Variants in DSC3 observed in about 807,000 individuals in gnomAD.
The protein encoded by DSC3 is desmocollin-3.
DSC3 carries 97 observed loss-of-function variants against 89.5 expected under a neutral mutation model. The observed-to-expected ratio is 1.08, with a 90% CI of 0.92 to 1.28. DSC3 has a LOEUF of 1.28. Ranked by LOEUF, DSC3 falls within the 50% of genes most tolerant of loss-of-function variation. The pLI, the probability that DSC3 is intolerant of heterozygous loss-of-function variation, is 0.00. For synonymous variants in DSC3, 436 were observed against 384.1 expected (o/e 1.14, Z -1.58); for missense variants, 1,199 against 1,085.3 (o/e 1.10, Z -1.47).
intron 1 of DSC3, among the ~76,000 whole-genome samples, chr18:31,038,912 T>C (rs1390890503): frequency 6.6e-6 from 1 of 152,118 alleles, no homozygotes; most frequent in Non-Finnish European, 1.5e-5. Context: ...TAATATTCAA[T>C]AGACTTCAGT....
intron 9 of DSC3, 118 bp downstream of exon 9, chr18:31,017,953 A>C (rs1230657110): frequency 1.2e-6 from 1 of 818,016 alleles, no homozygotes; most frequent in Non-Finnish European, 1.9e-6. Flanking sequence ...TGGTTTAAAT[A>C]GATTTTAAAT....
chr18:31,013,800 G>A (rs1432465613), intron 9 of DSC3, among the ~76,000 whole-genome samples: 2 of 152,060 alleles, frequency 1.3e-5, no homozygotes, highest in Admixed American at 1.3e-4. Flanking sequence ...TGATGAGCAT[G>A]TCAACATGCA....
intron 15 of DSC3, among the ~76,000 whole-genome samples, chr18:30,994,873 CTTA>C (rs1225953643): frequency 6.6e-6 from 1 of 152,278 alleles, no homozygotes; most frequent in African/African-American, 2.4e-5. Flanking sequence ...GCATAATACA[CTTA>C]TTATGCCCAG....
At chr18:31,003,717 T>C (rs961834699) in intron 13 of DSC3, among the ~76,000 whole-genome samples, 1 of 152,142 alleles carries the variant, frequency 6.6e-6, no homozygotes, top group Non-Finnish European at 1.5e-5. Flanking sequence ...ATTGGCAAGA[T>C]ATACCCAAGA....
intron 9 of DSC3, among the ~76,000 whole-genome samples, chr18:31,016,628 A>G (rs1371244776): frequency 6.6e-6 from 1 of 152,148 alleles, no homozygotes; most frequent in African/African-American, 2.4e-5. Context: ...TTGGCTCTTC[A>G]GATTCAGGGT....
intron 4 of DSC3, among the ~76,000 whole-genome samples, chr18:31,026,669 A>G (rs1179908708): frequency 6.6e-6 from 1 of 152,140 alleles, no homozygotes; most frequent in Non-Finnish European, 1.5e-5. Flanking sequence ...CAAGGACACT[A>G]TGTCAGAGGG....
intron 9 of DSC3, among the ~76,000 whole-genome samples, chr18:31,010,204 A>G (rs1313590): frequency 0.4 from 60,685 of 152,082 alleles, 13,010 homozygotes; most frequent in East Asian, 0.74. Context: ...TCTACAAAAC[A>G]TATGTAAAAC....
At chr18:31,016,223 C>A (rs1985232011) in intron 9 of DSC3, among the ~76,000 whole-genome samples, 1 of 152,168 alleles carries the variant, frequency 6.6e-6, no homozygotes. Flanking sequence ...CAGCAATCCA[C>A]AATTGCTACT....
intron 1 of DSC3, among the ~76,000 whole-genome samples, chr18:31,038,387 T>G (rs1442710349): frequency 6.6e-6 from 1 of 152,178 alleles, no homozygotes. Context: ...TGGTTACAGG[T>G]CTATTTAGAT....
chr18:31,029,717 C>T, intron 3 of DSC3, 89 bp from the exon 4 acceptor site: 1 of 1,547,764 alleles, frequency 6.5e-7, no homozygotes, highest in Non-Finnish European at 8.9e-7. Flanking sequence ...AAACCTAATC[C>T]TTCTTTGGAG....
intron 9 of DSC3, among the ~76,000 whole-genome samples, chr18:31,009,048 C>A (rs78340740): frequency 0.03 from 4,559 of 152,030 alleles, 240 homozygotes; most frequent in African/African-American, 0.1. Context: ...ATTTTATTTT[C>A]TTTTATTTTA....
intron 1 of DSC3, 142 bp downstream of exon 1, chr18:31,042,450 T>G (rs72922475): frequency 1.2e-6 from 1 of 839,076 alleles, no homozygotes; most frequent in Admixed American, 2.1e-5. Context: ...AGGCCCGAAC[T>G]TGGGGCTGCT....
chr18:31,011,103 C>T (rs73952550), intron 9 of DSC3, among the ~76,000 whole-genome samples: 6 of 152,148 alleles, frequency 3.9e-5, no homozygotes, highest in African/African-American at 7.2e-5. Context: ...TGCTTGACAG[C>T]GTATAGTTAG....
intron 1 of DSC3, among the ~76,000 whole-genome samples, chr18:31,039,574 A>G (rs1986070702): frequency 6.6e-6 from 1 of 152,168 alleles, no homozygotes; most frequent in African/African-American, 2.4e-5. Flanking sequence ...ACTGCTCTAC[A>G]TTCTCAGTAC....
intron 15 of DSC3, among the ~76,000 whole-genome samples, chr18:30,995,168 T>C (rs1422269374): frequency 6.6e-6 from 1 of 152,152 alleles, no homozygotes; most frequent in Non-Finnish European, 1.5e-5. Flanking sequence ...TCTCCTCCCT[T>C]TCCTCACCTG....
chr18:31,001,807 T>G, intron 13 of DSC3, 68 bp from the exon 14 acceptor site: 1 of 1,286,158 alleles, frequency 7.8e-7, no homozygotes, highest in Non-Finnish European at 1.1e-6. Context: ...CATCATTTAT[T>G]TCTTACGACC....
intron 9 of DSC3, among the ~76,000 whole-genome samples, chr18:31,012,859 A>G (rs1344191459): frequency 1.3e-5 from 2 of 152,200 alleles, no homozygotes; most frequent in Non-Finnish European, 2.9e-5. Context: ...AACAGCTGAA[A>G]AAAATGAAAT....
rs1171785077 is a variant in DSC3, at chr18:31,008,360, A to G, written c.1429T>C (p.Tyr477His). ...GCTAAGTTTTCTTTAATCCGCACAT[A>G]TTGGGCTGCAGGAGTGCATTCAGGC... ...EGPECTPAAQYVRIKENLAVG... is the reference protein window; with the variant it reads ...EGPECTPAAQHVRIKENLAVG... Residue 477 changes from tyrosine to histidine, a missense_variant, in exon 10 of 16, where the codon TAT (tyrosine) becomes CAT (histidine). Transcript: ENST00000360428. 3 of 1,614,072 alleles carry G rather than the reference A, an allele frequency of 1.9e-6. No homozygotes were observed. Among genetic ancestry groups the G allele is most frequent in the South Asian group, 1.1e-5 (1 of 91,090 alleles).
chr18:30,994,609 T>C (rs1984394440), intron 15 of DSC3: 1 of 781,202 alleles, frequency 1.3e-6, no homozygotes, highest in Non-Finnish European at 2.0e-6. Context: ...ACAAGTTTTA[T>C]ATTTAAGTAC....
Sources: allele counts gnomAD v4.1 joint callset (sites outside exome capture counted in the v4.1 genomes callset), GRCh38; gene constraint gnomAD v4.1.1; transcripts MANE v1.5; gene names NCBI Gene and HGNC (gene_info 2026-07-23, HGNC 2026-07-21).